Variants in LMCD1 observed in about 807,000 individuals in gnomAD.
LMCD1 encodes the protein LIM and cysteine-rich domains protein 1.
Under a neutral mutation model 42.7 loss-of-function variants are expected in LMCD1, and 32 were observed. The observed-to-expected ratio is 0.75, with a 90% CI of 0.57 to 1.01. The LOEUF (loss-of-function observed/expected upper bound fraction) is 1.01. Ranked by LOEUF, LMCD1 falls within the 50% of genes least tolerant of loss-of-function variation. LMCD1 has a pLI of 0.00. For synonymous variants in LMCD1, 178 were observed against 184.9 expected (o/e 0.96, Z 0.30); for missense variants, 458 against 483.1 (o/e 0.95, Z 0.49).
At chr3:8,566,863 T>C (rs1695140583) in intron 5 of LMCD1, among the ~76,000 whole-genome samples, 1 of 152,214 alleles carries the variant, frequency 6.6e-6, no homozygotes. Context: ...ATGTGGAAGC[T>C]GAGGCACAGG....
At chr3:8,566,020 TTTTAC>T (rs1473048295) in intron 5 of LMCD1, among the ~76,000 whole-genome samples, 1 of 152,158 alleles carries the variant, frequency 6.6e-6, no homozygotes, top group Non-Finnish European at 1.5e-5. Flanking sequence ...TGAGTCTCAG[TTTTAC>T]TACTTATAAA....
intron 1 of LMCD1, among the ~76,000 whole-genome samples, chr3:8,519,925 A>T (rs112021925): frequency 1.4e-5 from 2 of 147,830 alleles, no homozygotes; most frequent in Non-Finnish European, 1.5e-5. Flanking sequence ...TGTGAGAGAG[A>T]GTGTGTGTGT....
At chr3:8,524,118 A>T (rs1694252638) in intron 1 of LMCD1, among the ~76,000 whole-genome samples, 2 of 151,104 alleles carry the variant, frequency 1.3e-5, no homozygotes, top group South Asian at 4.2e-4. Context: ...CATAGTAGGT[A>T]TAGGCCCCAG....
intron 1 of LMCD1, among the ~76,000 whole-genome samples, chr3:8,520,954 G>A (rs556983476): frequency 9.2e-5 from 14 of 152,284 alleles, no homozygotes; most frequent in South Asian, 2.1e-4. Context: ...CTGAAACAGC[G>A]GAAAATGGTT....
At chr3:8,566,692 C>G (rs1695138326) in intron 5 of LMCD1, among the ~76,000 whole-genome samples, 2 of 152,148 alleles carry the variant, frequency 1.3e-5, no homozygotes, top group Non-Finnish European at 2.9e-5. Flanking sequence ...ATGATTTTTT[C>G]TCATTTCACG....
At position 8,501,831 on chromosome 3, in the gene LMCD1, C is replaced by G; in HGVS notation, c.-108C>G. On this transcript the variant is annotated 5_prime_UTR_variant, in exon 1 of 6. Transcript: ENST00000157600. ...CAGCTGCGCCTGGCTGCGCACAGAG[C>G]TCCCTCCCAGGCCCGCGAACTTGGC... The G allele has an allele frequency of 2.1e-6, 2 of 932,400 alleles. No homozygotes were observed. Among genetic ancestry groups the G allele is most frequent in the Non-Finnish European group, 3.3e-6 (2 of 613,084 alleles). 57.8% of individuals were successfully genotyped at this position (932,400 alleles called of 1,614,324 possible). A position where few individuals can be genotyped will look rare whatever the true frequency, so the allele number is the denominator to read the frequency against.
At chr3:8,510,988 A>G (rs1046783919) in intron 1 of LMCD1, among the ~76,000 whole-genome samples, 1 of 152,228 alleles carries the variant, frequency 6.6e-6, no homozygotes, top group Non-Finnish European at 1.5e-5. Flanking sequence ...ATGCACACAC[A>G]TACAGCTGTA....
At chr3:8,515,127 C>T in intron 1 of LMCD1, 1 of 417,164 alleles carries the variant, frequency 2.4e-6, no homozygotes, top group Non-Finnish European at 4.9e-6. Context: ...TGCTGCAGCC[C>T]CCTGGAGGTG....
intron 4 of LMCD1, among the ~76,000 whole-genome samples, chr3:8,560,208 T>C (rs1007993180): frequency 7.4e-6 from 1 of 135,292 alleles, no homozygotes; most frequent in Non-Finnish European, 1.6e-5. Flanking sequence ...AAGACCAGTC[T>C]GCGTAACATA....
chr3:8,555,932 C>T (rs1694927332), intron 4 of LMCD1, among the ~76,000 whole-genome samples: 1 of 152,134 alleles, frequency 6.6e-6, no homozygotes, highest in Admixed American at 6.5e-5. Context: ...TCCAATCAAA[C>T]TGTATTTACA....
chr3:8,534,159 G>C (rs41378247), intron 2 of LMCD1, among the ~76,000 whole-genome samples: 1 of 151,616 alleles, frequency 6.6e-6, no homozygotes, highest in East Asian at 2.0e-4. Context: ...CAGCTAGGAC[G>C]TCTCCTTTTA....
At chr3:8,548,035 T>C (rs766780702) in intron 3 of LMCD1, among the ~76,000 whole-genome samples, 2 of 152,150 alleles carry the variant, frequency 1.3e-5, no homozygotes, top group Admixed American at 6.5e-5. Context: ...AACACAATGG[T>C]CAGTCAGTAT....
chr3:8,565,311 G>T (rs1249326872), intron 4 of LMCD1, 121 bp from the exon 5 acceptor site: 1 of 765,250 alleles, frequency 1.3e-6, no homozygotes, highest in Non-Finnish European at 2.3e-6. Flanking sequence ...GAGGCACGAA[G>T]AGGTATAGTG....
intron 1 of LMCD1, among the ~76,000 whole-genome samples, chr3:8,516,422 A>G (rs1165465628): frequency 1.3e-5 from 2 of 152,166 alleles, no homozygotes; most frequent in East Asian, 3.9e-4. Context: ...GAAAAGTTCC[A>G]TCTGCCTGGA....
intron 1 of LMCD1, among the ~76,000 whole-genome samples, chr3:8,508,131 G>C (rs1693919574): frequency 6.6e-6 from 1 of 152,172 alleles, no homozygotes; most frequent in Non-Finnish European, 1.5e-5. Flanking sequence ...AAGACTAGTA[G>C]AGAGACCTTT....
intron 1 of LMCD1, among the ~76,000 whole-genome samples, chr3:8,503,796 G>C (rs1251370954): frequency 2.0e-5 from 3 of 152,224 alleles, no homozygotes; most frequent in Admixed American, 2.0e-4. Flanking sequence ...AGGTGGCAGA[G>C]TTCCATTGTC....
chr3:8,545,883 C>T (rs1238079039), intron 3 of LMCD1, among the ~76,000 whole-genome samples: 2 of 152,196 alleles, frequency 1.3e-5, no homozygotes, highest in Non-Finnish European at 2.9e-5. Context: ...CACCTGTAAT[C>T]CCAGCATTTT....
At chr3:8,537,495 C>G in intron 3 of LMCD1, 55 bp downstream of exon 3, 2 of 1,489,248 alleles carry the variant, frequency 1.3e-6, no homozygotes, top group East Asian at 4.6e-5. Context: ...AAATACTAGC[C>G]ATGTCAAGTG....
intron 1 of LMCD1, among the ~76,000 whole-genome samples, chr3:8,512,296 T>A (rs1048869582): frequency 6.6e-6 from 1 of 152,246 alleles, no homozygotes; most frequent in Non-Finnish European, 1.5e-5. Context: ...TTCAAATATC[T>A]GACTTGGTCT....
Sources: allele counts gnomAD v4.1 joint callset (sites outside exome capture counted in the v4.1 genomes callset), GRCh38; gene constraint gnomAD v4.1.1; transcripts MANE v1.5; gene names NCBI Gene and HGNC (gene_info 2026-07-23, HGNC 2026-07-21).